The following TENM1 variants were observed in gnomAD, a reference collection of about 807,000 sequenced individuals.
TENM1 encodes the protein teneurin transmembrane protein 1.
Under a neutral mutation model 174.8 loss-of-function variants are expected in TENM1, and 35 were observed. That is an observed-to-expected ratio of 0.20 (90% CI 0.15 to 0.27). The LOEUF (loss-of-function observed/expected upper bound fraction) is 0.27, where lower values mean the gene tolerates loss of function less well. Among genes scored for constraint, TENM1 ranks in the 10% least tolerant of loss-of-function variants. The pLI is 1.00. For missense variants in TENM1, 1,633 were observed against 2,130.1 expected (o/e 0.77, Z 4.59); for synonymous variants, 781 against 798.7 (o/e 0.98, Z 0.37).
At chrX:124,523,708 C>T (rs756286143) in intron 16 of TENM1, 83 bp from the exon 20 acceptor site, 591 of 1,010,735 alleles carry the variant, frequency 5.8e-4, no homozygotes, top group Non-Finnish European at 6.9e-4. Flanking sequence ...TTTCAGTGCC[C>T]TTTCCTTTTT....
the TENM1 span, among the ~76,000 whole-genome samples, chrX:125,080,169 G>C: frequency 2.7e-5 from 3 of 111,108 alleles, no homozygotes; most frequent in Non-Finnish European, 5.7e-5. Flanking sequence ...TTTTAGCAGA[G>C]AGGGAATATA....
intron 11 of TENM1, among the ~76,000 whole-genome samples, chrX:124,639,237 C>T (rs2050952798): frequency 8.9e-6 from 1 of 111,832 alleles, no homozygotes; most frequent in Admixed American, 9.5e-5. Flanking sequence ...TAGCTATACC[C>T]AATGGCTTGC....
intron 11 of TENM1, among the ~76,000 whole-genome samples, chrX:124,623,400 T>C (rs761923701): frequency 4.7e-4 from 53 of 111,850 alleles, no homozygotes; most frequent in African/African-American, 1.5e-3. Context: ...GACTTTGTGA[T>C]AGTGTGTTTG....
intron 22 of TENM1, among the ~76,000 whole-genome samples, chrX:124,479,873 G>A (rs370003748): frequency 9.0e-6 from 1 of 111,669 alleles, no homozygotes; most frequent in Non-Finnish European, 1.9e-5. Context: ...TGTTGCACCC[G>A]AGTTATTTAT....
chrX:124,773,404 T>C (rs1278322614), intron 3 of TENM1, among the ~76,000 whole-genome samples: 1 of 104,875 alleles, frequency 9.5e-6, no homozygotes. Context: ...GACTAGAAAA[T>C]GTAAAAAGTT....
At chrX:125,190,012 G>A in the TENM1 span, among the ~76,000 whole-genome samples, 3 of 111,158 alleles carry the variant, frequency 2.7e-5, no homozygotes, top group Admixed American at 9.6e-5. Context: ...TCTTTACATC[G>A]CTATATATGC....
intron 4 of TENM1, among the ~76,000 whole-genome samples, 161 bp downstream of exon 7, chrX:124,736,796 C>A (rs1387045542): frequency 8.9e-6 from 1 of 112,014 alleles, no homozygotes; most frequent in Non-Finnish European, 1.9e-5. Flanking sequence ...CACATCTGCG[C>A]CTGTGAAGGA....
intron 5 of TENM1, chrX:124,688,765 C>CATTG (rs2052439862): frequency 8.9e-6 from 1 of 111,742 alleles, no homozygotes; most frequent in Non-Finnish European, 1.9e-5. Context: ...CCTGGGCATG[C>CATTG]ATTGAGCACA....
chrX:125,179,706 A>T, the TENM1 span, among the ~76,000 whole-genome samples: 1 of 110,677 alleles, frequency 9.0e-6, no homozygotes, highest in African/African-American at 3.3e-5. Context: ...ATCCCCTGGG[A>T]ACTTGTTAGA....
At chrX:124,503,479 A>G (rs207478819) in intron 19 of TENM1, 81 bp downstream of exon 22, 6 of 949,741 alleles carry the variant, frequency 6.3e-6, no homozygotes, top group Admixed American at 3.1e-5. Context: ...TTTATCTTGT[A>G]CTTTCCAAAT....
intron 14 of TENM1, among the ~76,000 whole-genome samples, chrX:124,549,182 A>G (rs1286216030): frequency 3.6e-5 from 4 of 112,093 alleles, no homozygotes; most frequent in African/African-American, 6.5e-5. Context: ...TTATTAGCAC[A>G]TTATCTCTTT....
chrX:125,124,681 T>C, the TENM1 span, among the ~76,000 whole-genome samples: 1 of 112,584 alleles, frequency 8.9e-6, no homozygotes, highest in African/African-American at 3.2e-5. Context: ...AAACAATTAA[T>C]AAGACAGGTA....
chrX:124,613,375 T>A (rs1053481675), intron 11 of TENM1, among the ~76,000 whole-genome samples: 3 of 110,518 alleles, frequency 2.7e-5, no homozygotes, highest in Non-Finnish European at 5.7e-5. Context: ...TTTTAATGTA[T>A]ATGTAAACCA....
the TENM1 span, among the ~76,000 whole-genome samples, chrX:125,067,055 T>C: frequency 3.6e-5 from 4 of 111,009 alleles, no homozygotes; most frequent in Non-Finnish European, 5.7e-5. Flanking sequence ...AGGAGTGAGC[T>C]TGGGATCCCC....
chrX:124,631,276 T>A (rs2050749744), intron 11 of TENM1, among the ~76,000 whole-genome samples: 1 of 111,026 alleles, frequency 9.0e-6, no homozygotes, highest in Admixed American at 9.6e-5. Context: ...AGTAAATATT[T>A]TAGAAACAAA....
chrX:125,014,207 C>G, the TENM1 span, among the ~76,000 whole-genome samples: 1 of 112,485 alleles, frequency 8.9e-6, no homozygotes, highest in East Asian at 2.8e-4. Context: ...TGAGTTTTAG[C>G]TTCCTCATCT....
At chrX:124,690,350 T>C (rs1282048169) in intron 5 of TENM1, among the ~76,000 whole-genome samples, 1 of 111,751 alleles carries the variant, frequency 8.9e-6, no homozygotes, top group Non-Finnish European at 1.9e-5. Context: ...GAAATGTATT[T>C]AGAAATCAAA....
chrX:124,933,136 T>C (rs1224042596), intron 1 of TENM1, among the ~76,000 whole-genome samples: 3 of 112,142 alleles, frequency 2.7e-5, no homozygotes, highest in Non-Finnish European at 3.8e-5. Context: ...GTGGTTGTAG[T>C]AGAGAAAATT....
intron 3 of TENM1, among the ~76,000 whole-genome samples, chrX:124,877,663 T>C (rs2057229633): frequency 9.0e-6 from 1 of 111,360 alleles, no homozygotes; most frequent in African/African-American, 3.3e-5. Context: ...AACCCATTCA[T>C]AGAACTTCTT....
Sources: allele counts gnomAD v4.1 joint callset (sites outside exome capture counted in the v4.1 genomes callset), GRCh38; gene constraint gnomAD v4.1.1; transcripts MANE v1.5; gene names NCBI Gene and HGNC (gene_info 2026-07-23, HGNC 2026-07-21).